The following VMAC variants were observed in gnomAD, a reference collection of about 807,000 sequenced individuals.
VMAC encodes the protein vimentin-type intermediate filament-associated coiled-coil protein.
A neutral mutation model predicts 4.8 loss-of-function variants in VMAC; 8 were observed. The ratio of observed to expected loss-of-function variants is 1.68; its 90% CI spans 0.99 to 3.03. The LOEUF (loss-of-function observed/expected upper bound fraction) is 3.03. Ranked by LOEUF, VMAC falls within the 30% of genes most tolerant of loss-of-function variation. The pLI, the probability that VMAC is intolerant of heterozygous loss-of-function variation, is 0.00. For synonymous variants in VMAC, 96 were observed against 113.7 expected (o/e 0.84, Z 0.99); for missense variants, 248 against 245.1 (o/e 1.01, Z -0.08).
chr19:5,909,769 T>C lies in VMAC; in HGVS notation c.*627T>C, dbSNP rs420458. ...CCTTCGAAAGTGCTGCAGTTATAGG[T>C]GTAAGCCACCGCGCCCGGCCCTAGC... On this transcript the variant is annotated 3_prime_UTR_variant, in exon 2 of 2. Transcript: ENST00000339485. 0.67 allele frequency: 102,405 copies of C among 152,262 alleles called. 34,645 individuals are homozygous for C. Among genetic ancestry groups the C allele is most frequent in the Admixed American group, 0.78 (11,943 of 15,296 alleles). 9.4% of individuals were successfully genotyped at this position (152,262 alleles called of 1,614,324 possible). A position where few individuals can be genotyped will look rare whatever the true frequency, so the allele number is the denominator to read the frequency against.
Position 5,909,404 on chromosome 19 carries a change from T to C in VMAC, c.*262T>C. On this transcript the variant is annotated 3_prime_UTR_variant, in exon 2 of 2. Coordinates refer to ENST00000339485, the MANE Select transcript of VMAC (RefSeq NM_001017921.4). ...ACCTGGCAATGCAAACACAAAGATC[T>C]GGATTTCTGGCAAGACTTGGCCAAG... The C allele has an allele frequency of 2.3e-6, 1 of 441,936 alleles. No homozygotes were observed. The allele number at this position is 441,936 out of a possible 1,614,324, so 27.4% of individuals were successfully genotyped here.
Position 5,908,948 on chromosome 19 carries a change from G to A in VMAC, c.316G>A (p.Asp106Asn). ...GCAGCCCCGGGCTGAGCTGCTGCAG[G>A]ACATCTGCCGCCGCCGGCCACCCCT... is the stretch of plus-strand genomic sequence containing the variant. ...QLQPRAELLQ[D>N]ICRRRPPLAG... The change falls in exon 2 of 2, where the codon GAC becomes AAC. Residue 106 changes from aspartate (D) to asparagine (N), a missense_variant. Coordinates refer to ENST00000339485, the MANE Select transcript of VMAC (RefSeq NM_001017921.4). The surrounding 1 kb of genome is among the most constrained non-coding windows in gnomAD (Gnocchi z 4.5). 6.2e-7 allele frequency: 1 copy of A among 1,613,456 alleles called. No homozygotes were observed. The highest frequency in any genetic ancestry group is 8.5e-7 in the Non-Finnish European group (1 of 1,179,860).
chr19:5,905,182 G>C (rs1438462079), intron 1 of VMAC, 101 bp downstream of exon 1: 1 of 1,202,384 alleles, frequency 8.3e-7, no homozygotes, highest in African/African-American at 1.6e-5. Context: ...GTGTGCACTT[G>C]TATAGACGCT....
Position 5,909,176 on chromosome 19 carries a change from A to C in VMAC, c.*34A>C. ...TGCAGATTACAGAATGGAGACAGAA[A>C]GCCACTGCTGTCAGTGTCCTTGGGA... On this transcript the variant is annotated 3_prime_UTR_variant, in exon 2 of 2. Coordinates refer to ENST00000339485, the MANE Select transcript of VMAC (RefSeq NM_001017921.4). The C allele has an allele frequency of 6.6e-7, 1 of 1,522,848 alleles. No homozygotes were observed. Among genetic ancestry groups the C allele is most frequent in the African/African-American group, 1.4e-5 (1 of 72,146 alleles). The allele number at this position is 1,522,848 out of a possible 1,614,324, so 94.3% of individuals were successfully genotyped here. A position where few individuals can be genotyped will look rare whatever the true frequency, so the allele number is the denominator to read the frequency against.
rs1276142838 is a variant in VMAC, at chr19:5,910,809, C to CTT, written c.*1669_*1670dup. On this transcript the variant is annotated 3_prime_UTR_variant, in exon 2 of 2. Coordinates refer to ENST00000339485, the MANE Select transcript of VMAC (RefSeq NM_001017921.4). ...GAAGTTATTGCTGAAATTCTGTTTT[C>CTT]TTTCTTTCTTTCTTTTTTTTTTAAA... 1 of 121,646 alleles carries CTT rather than the reference C, an allele frequency of 8.2e-6. No homozygotes were observed. The highest frequency in any genetic ancestry group is 1.8e-5 in the Non-Finnish European group (1 of 56,800). 7.5% of individuals were successfully genotyped at this position (121,646 alleles called of 1,614,324 possible). A position where few individuals can be genotyped will look rare whatever the true frequency, so the allele number is the denominator to read the frequency against.
At position 5,908,774 on chromosome 19, in the gene VMAC, G is replaced by C. The variant is rs1484039738; in HGVS notation, c.192-50G>C. ...TGCGGGTCCAGAGCAGGGAGGAGCAGGTGCTGTGGTCCTCAGTTCTGTAAT... is the reference window on the plus strand; with the variant it reads ...TGCGGGTCCAGAGCAGGGAGGAGCACGTGCTGTGGTCCTCAGTTCTGTAAT... On this transcript the variant is annotated intron_variant, in intron 1 of 1. Transcript: ENST00000339485. This position sits in a 1 kb window ranked among gnomAD's most constrained non-coding sequence, Gnocchi z 4.5. 2 of 1,595,012 alleles carry C rather than the reference G, an allele frequency of 1.3e-6. No individual in the cohort carries two copies. Among genetic ancestry groups the C allele is most frequent in the African/African-American group, 2.7e-5 (2 of 74,096 alleles).
At chr19:5,905,221 C>A in intron 1 of VMAC, 140 bp downstream of exon 1, 2 of 982,746 alleles carry the variant, frequency 2.0e-6, no homozygotes, top group Non-Finnish European at 1.4e-6. Context: ...ATAAAAACAC[C>A]AAAAAACTCG....
At position 5,904,877 on chromosome 19, in the gene VMAC, C is replaced by A. The variant is rs566205029; in HGVS notation, c.-14C>A. 6.8e-7 allele frequency: 1 copy of A among 1,460,702 alleles called. No homozygotes were observed. Among genetic ancestry groups the A allele is most frequent in the South Asian group, 1.3e-5 (1 of 74,588 alleles). 90.5% of individuals were successfully genotyped at this position (1,460,702 alleles called of 1,614,324 possible). The stretch of plus-strand genomic sequence containing the variant: ...GCCTGGGGGCGTGGCCGGGCCTGTA[C>A]AGCAGCCTGGGCCATGTCGGCGCCG... On this transcript the variant is annotated 5_prime_UTR_variant, in exon 1 of 2. Coordinates refer to ENST00000339485, the MANE Select transcript of VMAC (RefSeq NM_001017921.4).
In VMAC at chr19:5,908,899, G is replaced by A; in HGVS notation, c.267G>A (p.Gln89=). The change falls in exon 2 of 2, where the codon CAG becomes CAA. Residue 89 remains glutamine (Q), a synonymous_variant. Transcript: ENST00000339485. The surrounding 1 kb of genome is among the most constrained non-coding windows in gnomAD (Gnocchi z 4.5). ...ACAGCCTGCAGGCCACCGTGCACCA[G>A]AGGGACGAGCTCATTAGGCAGTTGC... is the stretch of plus-strand genomic sequence containing the variant. ...TVHSLQATVH[Q]RDELIRQLQP... is the part of the protein sequence containing the mutation. The A allele has an allele frequency of 3.7e-6, 6 of 1,613,982 alleles. No individual in the cohort carries two copies. The highest frequency in any genetic ancestry group is 3.4e-6 in the Non-Finnish European group (4 of 1,179,996).
rs2057685062 is a variant in VMAC, at chr19:5,908,046, CAGAA to C, written c.192-774_192-771del. ...CTTCATCATATGAATTTTGGGGAGACAGAAAGATGCAGTTCAGGCTGGGTACAGT... is the reference window on the plus strand; with the variant it reads ...CTTCATCATATGAATTTTGGGGAGACAGATGCAGTTCAGGCTGGGTACAGT... On this transcript the variant is annotated intron_variant, in intron 1 of 1. Transcript: ENST00000339485. This position sits in a 1 kb window ranked among gnomAD's most constrained non-coding sequence, Gnocchi z 4.5. 6.6e-6 allele frequency among the ~76,000 whole-genome samples: 1 copy of C among 152,156 alleles called. No individual in the cohort carries two copies. The highest frequency in any genetic ancestry group is 2.4e-5 in the African/African-American group (1 of 41,430).
chr19:5,909,076 C>G lies in VMAC; in HGVS notation c.444C>G (p.Asp148Glu). 1 of 1,560,594 alleles carries G rather than the reference C, an allele frequency of 6.4e-7. No homozygotes were observed. The highest frequency in any genetic ancestry group is 8.6e-7 in the Non-Finnish European group (1 of 1,156,636). Reference protein sequence around the residue: ...PPPGGPGPPLDNSTGEEADRD... With the variant: ...PPPGGPGPPLENSTGEEADRD... Reference sequence around the variant, plus strand: ...CCGGTGGGCCTGGTCCACCCCTTGACAACAGCACTGGGGAAGAGGCGGACA... The same window carrying G: ...CCGGTGGGCCTGGTCCACCCCTTGAGAACAGCACTGGGGAAGAGGCGGACA... The change falls in exon 2 of 2, where the codon GAC becomes GAG. Residue 148 changes from aspartate to glutamate, a missense_variant. Asp to Glu is a conservative substitution (Grantham distance 45). Transcript: ENST00000339485.
intron 1 of VMAC, among the ~76,000 whole-genome samples, chr19:5,905,504 C>T (rs900866150): frequency 6.6e-6 from 1 of 152,196 alleles, no homozygotes; most frequent in African/African-American, 2.4e-5. Flanking sequence ...ACTGCAACCT[C>T]CACCTCCCAG....
chr19:5,908,979 G>A lies in VMAC; in HGVS notation c.347G>A (p.Gly116Glu), dbSNP rs2057688691. 6.2e-7 allele frequency: 1 copy of A among 1,611,258 alleles called. No homozygotes were observed. Among genetic ancestry groups the A allele is most frequent in the Non-Finnish European group, 8.5e-7 (1 of 1,178,948 alleles). The change falls in exon 2 of 2, where the codon GGG becomes GAG. Residue 116 changes from glycine (G) to glutamate (E), a missense_variant. Coordinates refer to ENST00000339485, the MANE Select transcript of VMAC (RefSeq NM_001017921.4). The surrounding 1 kb of genome is among the most constrained non-coding windows in gnomAD (Gnocchi z 4.5). Reference protein sequence around the residue: ...DICRRRPPLAGLLDALAEAER... With the variant: ...DICRRRPPLAELLDALAEAER... ...TGCCGCCGCCGGCCACCCCTGGCTG[G>A]GCTGCTGGATGCCCTGGCTGAGGCT...
rs979878891 is a variant in VMAC, at chr19:5,910,515, G to A, written c.*1373G>A. On this transcript the variant is annotated 3_prime_UTR_variant, in exon 2 of 2. Transcript: ENST00000339485. ...AGTTCGAGACCACCCTGGCCAACAT[G>A]GTGAAACCCCGTCTCTACTAAAAAT... 6.6e-6 allele frequency: 1 copy of A among 152,232 alleles called. No homozygotes were observed. The highest frequency in any genetic ancestry group is 1.9e-4 in the East Asian group (1 of 5,176). The allele number at this position is 152,232 out of a possible 1,614,324, so 9.4% of individuals were successfully genotyped here. A position where few individuals can be genotyped will look rare whatever the true frequency, so the allele number is the denominator to read the frequency against.
In VMAC at chr19:5,910,553, C is replaced by T. The variant is rs1371146988; in HGVS notation, c.*1411C>T. 1.3e-5 allele frequency: 2 copies of T among 151,948 alleles called. No individual in the cohort carries two copies. The highest frequency in any genetic ancestry group is 4.8e-5 in the African/African-American group (2 of 41,352). 9.4% of individuals were successfully genotyped at this position (151,948 alleles called of 1,614,324 possible). Reference sequence around the variant, plus strand: ...CTCTACTAAAAATACTAAAATTAGCCGGGCTTGGTGGCGGGTGCCTGTAAT... The same window carrying T: ...CTCTACTAAAAATACTAAAATTAGCTGGGCTTGGTGGCGGGTGCCTGTAAT... On this transcript the variant is annotated 3_prime_UTR_variant, in exon 2 of 2. Coordinates refer to ENST00000339485, the MANE Select transcript of VMAC (RefSeq NM_001017921.4).
In VMAC at chr19:5,910,808, T is replaced by G. The variant is rs1211034309; in HGVS notation, c.*1666T>G. 3.6e-5 allele frequency: 4 copies of G among 112,350 alleles called. No individual in the cohort carries two copies. The highest frequency in any genetic ancestry group is 2.0e-4 in the Admixed American group (2 of 9,882). 7.0% of individuals were successfully genotyped at this position (112,350 alleles called of 1,614,324 possible). ...GGAAGTTATTGCTGAAATTCTGTTT[T>G]CTTTCTTTCTTTCTTTTTTTTTTAA... On this transcript the variant is annotated 3_prime_UTR_variant, in exon 2 of 2. Coordinates refer to ENST00000339485, the MANE Select transcript of VMAC (RefSeq NM_001017921.4).
intron 1 of VMAC, among the ~76,000 whole-genome samples, chr19:5,905,603 T>C (rs1179222698): frequency 6.6e-6 from 1 of 151,648 alleles, no homozygotes; most frequent in African/African-American, 2.4e-5. Context: ...GTATTTCTAG[T>C]AGAGACTGGT....
intron 1 of VMAC, among the ~76,000 whole-genome samples, chr19:5,905,862 T>A (rs2057677190): frequency 6.6e-6 from 1 of 152,116 alleles, no homozygotes; most frequent in Non-Finnish European, 1.5e-5. Context: ...GCATGGCTTA[T>A]TTTTTGTATT....
In VMAC at chr19:5,908,346, G is replaced by A. The variant is rs1037478590; in HGVS notation, c.192-478G>A. ...AAATTATAATAATAGGCTGGGCGTG[G>A]TGGCTCACGCCTGTAATCCCAGCAC... is the stretch of plus-strand genomic sequence containing the variant. On this transcript the variant is annotated intron_variant, in intron 1 of 1. Transcript: ENST00000339485. This position sits in a 1 kb window ranked among gnomAD's most constrained non-coding sequence, Gnocchi z 4.5. 6.6e-6 allele frequency among the ~76,000 whole-genome samples: 1 copy of A among 151,260 alleles called. No homozygotes were observed. Among genetic ancestry groups the A allele is most frequent in the Admixed American group, 6.6e-5 (1 of 15,158 alleles).
Sources: allele counts gnomAD v4.1 joint callset (sites outside exome capture counted in the v4.1 genomes callset), GRCh38; gene constraint gnomAD v4.1.1; non-coding constraint Gnocchi (gnomAD v3.1); transcripts MANE v1.5; gene names NCBI Gene and HGNC (gene_info 2026-07-23, HGNC 2026-07-21).